The following LPL variants were observed in gnomAD, a reference collection of about 807,000 sequenced individuals.
The protein encoded by LPL is phospholipase A1.
Under a neutral mutation model 52.2 loss-of-function variants are expected in LPL, and 43 were observed. That is an observed-to-expected ratio of 0.82 (90% CI 0.64 to 1.06). The LOEUF is 1.06. LPL is among the 50% of genes least tolerant of loss of function. The pLI, the probability that LPL is intolerant of heterozygous loss-of-function variation, is 0.00. For synonymous variants in LPL, 244 were observed against 215.6 expected (o/e 1.13, Z -1.15); for missense variants, 639 against 585.3 (o/e 1.09, Z -0.95).
At chr8:19,940,375 C>G (rs550028800) in intron 1 of LPL, among the ~76,000 whole-genome samples, 1 of 152,166 alleles carries the variant, frequency 6.6e-6, no homozygotes, top group Admixed American at 6.5e-5. Context: ...CAGCTCCGGG[C>G]GCCCGGCCCC....
At chr8:19,947,536 G>A (rs972200639) in intron 1 of LPL, among the ~76,000 whole-genome samples, 3 of 152,134 alleles carry the variant, frequency 2.0e-5, no homozygotes, top group African/African-American at 7.2e-5. Context: ...TACTCAGGAA[G>A]CTGAGGTGGG....
At chr8:19,940,212 G>C (rs937686241) in intron 1 of LPL, among the ~76,000 whole-genome samples, 2 of 152,242 alleles carry the variant, frequency 1.3e-5, no homozygotes, top group Non-Finnish European at 2.9e-5. Flanking sequence ...CAGCTTCCAG[G>C]CTCGCATGCC....
chr8:19,956,728 T>A (rs958925758), intron 6 of LPL, among the ~76,000 whole-genome samples: 1 of 152,236 alleles, frequency 6.6e-6, no homozygotes, highest in African/African-American at 2.4e-5. Context: ...CATGCCACCA[T>A]AACAGAGTTG....
At chr8:19,945,261 G>A (rs962579505) in intron 1 of LPL, among the ~76,000 whole-genome samples, 1 of 152,094 alleles carries the variant, frequency 6.6e-6, no homozygotes, top group Non-Finnish European at 1.5e-5. Flanking sequence ...TTACTGGAGA[G>A]CTGACTGAAG....
In LPL at chr8:19,954,317, G is replaced by C; in HGVS notation, c.739G>C (p.Glu247Gln). 6.2e-7 allele frequency: 1 copy of C among 1,614,160 alleles called. No individual in the cohort carries two copies. The highest frequency in any genetic ancestry group is 8.5e-7 in the Non-Finnish European group (1 of 1,180,018). The change falls in exon 5 of 10, where the codon GAA becomes CAA. Residue 247 changes from glutamate to glutamine, a missense_variant. Glu to Gln is a conservative substitution (Grantham distance 29, BLOSUM62 2). Coordinates refer to ENST00000650287, the MANE Select transcript of LPL (RefSeq NM_000237.3). ...GTFQPGCNIG[E>Q]AIRVIAERGL... ...TTTTCAGCCAGGATGTAACATTGGA[G>C]AAGCTATCCGCGTGATTGCAGAGAG...
intron 2 of LPL, among the ~76,000 whole-genome samples, chr8:19,948,827 G>C (rs2069906160): frequency 6.6e-6 from 1 of 151,940 alleles, no homozygotes; most frequent in Non-Finnish European, 1.5e-5. Flanking sequence ...TGTCATCTCT[G>C]GGCCTCCATT....
At chr8:19,948,097 C>A in intron 1 of LPL, 83 bp from the exon 2 acceptor site, 1 of 1,423,390 alleles carries the variant, frequency 7.0e-7, no homozygotes, top group Non-Finnish European at 9.9e-7. Flanking sequence ...GCGGTGGTTG[C>A]CTGTGAACCT....
chr8:19,948,262 T>C lies in LPL; in HGVS notation c.171T>C (p.Ile57=). Residue 57 remains isoleucine, a synonymous_variant, in exon 2 of 10, where the codon ATT becomes ATC. Coordinates refer to ENST00000650287, the MANE Select transcript of LPL (RefSeq NM_000237.3). ...EDTAEDTCHL[I]PGVAESVATC... is the part of the protein sequence containing the mutation. Reference sequence around the variant, plus strand: ...CAGCTGAGGACACTTGCCACCTCATTCCCGGAGTAGCAGAGTCCGTGGCTA... The same window carrying C: ...CAGCTGAGGACACTTGCCACCTCATCCCCGGAGTAGCAGAGTCCGTGGCTA... The C allele has an allele frequency of 6.2e-7, 1 of 1,614,036 alleles. No homozygotes were observed. Among genetic ancestry groups the C allele is most frequent in the Non-Finnish European group, 8.5e-7 (1 of 1,179,974 alleles).
At position 19,949,270 on chromosome 8, in the gene LPL, T is replaced by G. The variant is rs2069911054; in HGVS notation, c.249+930T>G. The stretch of plus-strand genomic sequence containing the variant: ...ACATTCATCTAGTCCACATTTCTTT[T>G]CCTACATAATTTAAGTGGCTTTGTT... On this transcript the variant is annotated intron_variant, in intron 2 of 9. Coordinates refer to ENST00000650287, the MANE Select transcript of LPL (RefSeq NM_000237.3). Among the ~76,000 whole-genome samples the G allele has an allele frequency of 2.0e-5, 3 of 152,322 alleles. No homozygotes were observed. The South Asian group carries it at 6.2e-4, about 32-fold the overall frequency.
Position 19,939,672 on chromosome 8 carries a change from G to C in LPL, c.88+144G>C. 1 of 827,536 alleles carries C rather than the reference G, an allele frequency of 1.2e-6. No homozygotes were observed. Among genetic ancestry groups the C allele is most frequent in the South Asian group, 1.7e-5 (1 of 59,136 alleles). 51.3% of individuals were successfully genotyped at this position (827,536 alleles called of 1,614,324 possible). On this transcript the variant is annotated intron_variant, in intron 1 of 9. Transcript: ENST00000650287. The surrounding 1 kb of genome is among the most constrained non-coding windows in gnomAD (Gnocchi z 4.0). ...CCAGCCTGGGCTCTAGCCCCGAAAC[G>C]GTCCCCGGAGTGGGATCCAGGAGGG... is the stretch of plus-strand genomic sequence containing the variant.
At chr8:19,951,532 G>A (rs2069934086) in intron 2 of LPL, among the ~76,000 whole-genome samples, 1 of 152,166 alleles carries the variant, frequency 6.6e-6, no homozygotes. Context: ...TGGGAAGCAT[G>A]GTGAACCCCA....
chr8:19,961,179 CT>C, intron 8 of LPL, 96 bp downstream of exon 8: 1 of 1,000,736 alleles, frequency 1.0e-6, no homozygotes, highest in Non-Finnish European at 1.5e-6. Context: ...TCAGGGAGAG[CT>C]TTAGGAAACC....
At position 19,950,527 on chromosome 8, in the gene LPL, C is replaced by T. The variant is rs57357723; in HGVS notation, c.250-1242C>T. On this transcript the variant is annotated intron_variant, in intron 2 of 9. Coordinates refer to ENST00000650287, the MANE Select transcript of LPL (RefSeq NM_000237.3). This position sits in a 1 kb window ranked among gnomAD's most constrained non-coding sequence, Gnocchi z 4.2. ...TAACTTGGAAACACTGGGCTGGGAGCGGTGGCTCATGCCTGTGATCCCAGC... is the reference window on the plus strand; with the variant it reads ...TAACTTGGAAACACTGGGCTGGGAGTGGTGGCTCATGCCTGTGATCCCAGC... 0.038 allele frequency among the ~76,000 whole-genome samples: 5,755 copies of T among 152,224 alleles called. 366 individuals carry two copies. Among genetic ancestry groups the T allele is most frequent in the African/African-American group, 0.13 (5,430 of 41,502 alleles).
chr8:19,958,535 T>C (rs768548726), intron 6 of LPL, among the ~76,000 whole-genome samples: 8 of 152,110 alleles, frequency 5.3e-5, no homozygotes, highest in Non-Finnish European at 1.0e-4. Context: ...CCTTGTGGCC[T>C]CACTGATGGC....
Position 19,939,737 on chromosome 8 carries a change from C to T in LPL, c.88+209C>T, listed in dbSNP as rs1017676800. ...TCCTCCCGATCGTGAAGCGGCGGCGCCCAGTTCCCGCTTTTTCTCTCTGCC... is the reference window on the plus strand; with the variant it reads ...TCCTCCCGATCGTGAAGCGGCGGCGTCCAGTTCCCGCTTTTTCTCTCTGCC... On this transcript the variant is annotated intron_variant, in intron 1 of 9. Coordinates refer to ENST00000650287, the MANE Select transcript of LPL (RefSeq NM_000237.3). This position sits in a 1 kb window ranked among gnomAD's most constrained non-coding sequence, Gnocchi z 4.0. Among the ~76,000 whole-genome samples, 16 of 152,212 alleles carry T rather than the reference C, an allele frequency of 1.1e-4. No individual in the cohort carries two copies. Among genetic ancestry groups the T allele is most frequent in the African/African-American group, 3.6e-4 (15 of 41,474 alleles).
Position 19,944,571 on chromosome 8 carries a change from T to A in LPL, c.89-3609T>A, listed in dbSNP as rs2069867468. On this transcript the variant is annotated intron_variant, in intron 1 of 9. Transcript: ENST00000650287. The surrounding 1 kb of genome is among the most constrained non-coding windows in gnomAD (Gnocchi z 4.2). The stretch of plus-strand genomic sequence containing the variant: ...ATAAATGTTCATCTTACTCACGTGA[T>A]GACTTTGATCTGCCTTTAAAGCACC... Among the ~76,000 whole-genome samples the A allele has an allele frequency of 6.6e-6, 1 of 152,216 alleles. No homozygotes were observed. The highest frequency in any genetic ancestry group is 1.5e-5 in the Non-Finnish European group (1 of 68,038).
rs758843839 is a variant in LPL, at chr8:19,948,263, C to T, written c.172C>T (p.Pro58Ser). Residue 58 changes from proline (P) to serine (S), a missense_variant, in exon 2 of 10, where the codon CCC becomes TCC. Coordinates refer to ENST00000650287, the MANE Select transcript of LPL (RefSeq NM_000237.3). Reference sequence around the variant, plus strand: ...AGCTGAGGACACTTGCCACCTCATTCCCGGAGTAGCAGAGTCCGTGGCTAC... The same window carrying T: ...AGCTGAGGACACTTGCCACCTCATTTCCGGAGTAGCAGAGTCCGTGGCTAC... ...DTAEDTCHLI[P>S]GVAESVATCH... 3 of 1,614,114 alleles carry T rather than the reference C, an allele frequency of 1.9e-6. No homozygotes were observed.
At chr8:19,949,930 T>G (rs2069918498) in intron 2 of LPL, among the ~76,000 whole-genome samples, 1 of 151,146 alleles carries the variant, frequency 6.6e-6, no homozygotes. Context: ...TGAGAGAATT[T>G]TATACTTTGG....
chr8:19,956,685 C>A (rs1340221100), intron 6 of LPL, among the ~76,000 whole-genome samples: 1 of 152,130 alleles, frequency 6.6e-6, no homozygotes, highest in African/African-American at 2.4e-5. Context: ...CACAGCCACA[C>A]ACATTCATTA....
Sources: allele counts gnomAD v4.1 joint callset (sites outside exome capture counted in the v4.1 genomes callset), GRCh38; gene constraint gnomAD v4.1.1; non-coding constraint Gnocchi (gnomAD v3.1); transcripts MANE v1.5; gene names NCBI Gene and HGNC (gene_info 2026-07-23, HGNC 2026-07-21).